Variants in ANKH observed in about 807,000 individuals in gnomAD.
The protein encoded by ANKH is ANKH inorganic pyrophosphate transport regulator, also known as mineralization regulator ANKH.
Under a neutral mutation model 49.0 loss-of-function variants are expected in ANKH, and 15 were observed. The ratio of observed to expected loss-of-function variants is 0.31; its 90% confidence interval spans 0.20 to 0.47. The LOEUF is 0.47. Ranked by LOEUF, ANKH falls within the 20% of genes least tolerant of loss-of-function variation. The probability of loss-of-function intolerance (pLI) is 1.00; values close to 1 mark genes in which losing one functional copy is unlikely to be tolerated. For synonymous variants in ANKH, 273 were observed against 260.0 expected, an observed-to-expected ratio of 1.05 and a Z score of -0.48; for missense variants, 429 against 652.0, an observed-to-expected ratio of 0.66 and a Z score of 3.72.
Position 14,755,875 on chromosome 5 carries a change from C to A in ANKH, c.502G>T (p.Asp168Tyr). The A allele has an allele frequency of 6.2e-7, 1 of 1,614,048 alleles. No individual in the cohort carries two copies. The change falls in exon 4 of 12, where the codon GAT becomes TAT. Residue 168 changes from aspartate (D) to tyrosine (Y), a missense_variant. By Grantham distance (160) the Asp-to-Tyr change is radical. Transcript: ENST00000284268. Reference sequence around the variant, plus strand: ...ACCATATTTACCTGAGCTATGACATCTGAGATTGAGGCACATCCCACCAGG... The same window carrying A: ...ACCATATTTACCTGAGCTATGACATATGAGATTGAGGCACATCCCACCAGG... The part of the protein sequence containing the change: ...SFLVGCASIS[D>Y]VIAQVVFVAI...
chr5:14,791,921 T>A (rs1740179626), intron 1 of ANKH, among the ~76,000 whole-genome samples: 1 of 152,206 alleles, frequency 6.6e-6, no homozygotes, highest in African/African-American at 2.4e-5. Flanking sequence ...GCAAGAACCA[T>A]GGACCACACA....
intron 1 of ANKH, among the ~76,000 whole-genome samples, chr5:14,794,190 C>T (rs2126550028): frequency 6.6e-6 from 1 of 152,356 alleles, no homozygotes; most frequent in African/African-American, 2.4e-5. Context: ...GAAAGCCAGC[C>T]TATTCTAGAG....
chr5:14,843,464 C>T lies in ANKH; in HGVS notation c.96+27888G>A, dbSNP rs924080620. Among the ~76,000 whole-genome samples, 4 of 150,962 alleles carry T rather than the reference C, an allele frequency of 2.6e-5. No individual in the cohort carries two copies. In the South Asian group the frequency reaches 6.3e-4, roughly 24 times the overall value. ...GCGCTGGGATTACAGGTGTGAGCCACCACGCCTGGCCAGCTCTCATTTTTT... is the reference window on the plus strand; with the variant it reads ...GCGCTGGGATTACAGGTGTGAGCCATCACGCCTGGCCAGCTCTCATTTTTT... On this transcript the variant is annotated intron_variant, in intron 1 of 11. Coordinates refer to ENST00000284268, the MANE Select transcript of ANKH (RefSeq NM_054027.6).
chr5:14,786,328 C>T (rs1392593920), intron 1 of ANKH, among the ~76,000 whole-genome samples: 2 of 152,170 alleles, frequency 1.3e-5, no homozygotes, highest in Non-Finnish European at 2.9e-5. Context: ...GATGAGAAGA[C>T]ATAATGTCAT....
chr5:14,723,301 G>A (rs1171043099), intron 8 of ANKH, among the ~76,000 whole-genome samples: 2 of 151,702 alleles, frequency 1.3e-5, no homozygotes, highest in Non-Finnish European at 2.9e-5. Context: ...AGGAGTCTAT[G>A]GGAACTCTGC....
chr5:14,714,634 C>T (rs570142512), intron 9 of ANKH, among the ~76,000 whole-genome samples: 71 of 152,246 alleles, frequency 4.7e-4, no homozygotes, highest in African/African-American at 1.4e-3. Context: ...TTAATACTAA[C>T]GAGGCTAATT....
intron 1 of ANKH, among the ~76,000 whole-genome samples, chr5:14,860,258 G>A (rs145373703): frequency 2.0e-5 from 3 of 152,356 alleles, no homozygotes; most frequent in African/African-American, 7.2e-5. Context: ...ACCTGCAGAG[G>A]AGGAGGGTGT....
At chr5:14,849,287 A>AT (rs1742059392) in intron 1 of ANKH, among the ~76,000 whole-genome samples, 3 of 152,256 alleles carry the variant, frequency 2.0e-5, no homozygotes, top group South Asian at 2.1e-4. Context: ...AAAGCAGCCT[A>AT]TTTTTTGACC....
At chr5:14,721,949 A>T (rs924159722) in intron 8 of ANKH, among the ~76,000 whole-genome samples, 14 of 151,280 alleles carry the variant, frequency 9.3e-5, no homozygotes, top group African/African-American at 3.4e-4. Context: ...AAAAAAAAAA[A>T]AAAAAGTGGG....
chr5:14,758,577 T>C lies in ANKH; in HGVS notation c.335A>G (p.Tyr112Cys). ...CACATGGTGCAGTTTATTGATAATG[T>C]AGTATCCTAAATCACTATAAGCTGC... ...TLIAYSDLGY[Y>C]IINKLHHVDE... The change falls in exon 3 of 12, where the codon TAC (tyrosine) becomes TGC (cysteine). Residue 112 changes from tyrosine (Y) to cysteine (C), a missense_variant. Tyr to Cys is a radical substitution (Grantham distance 194). This residue lies in a region of ANKH where 378 missense variants were observed against 615.3 expected (regional missense o/e 0.61). Coordinates refer to ENST00000284268, the MANE Select transcript of ANKH (RefSeq NM_054027.6). 6.2e-7 allele frequency: 1 copy of C among 1,613,322 alleles called. No individual in the cohort carries two copies. The highest frequency in any genetic ancestry group is 8.5e-7 in the Non-Finnish European group (1 of 1,179,222).
intron 1 of ANKH, among the ~76,000 whole-genome samples, chr5:14,783,559 A>G (rs1462544914): frequency 6.6e-6 from 1 of 152,188 alleles, no homozygotes; most frequent in African/African-American, 2.4e-5. Flanking sequence ...TTAGAACACA[A>G]TACAAGAAAG....
chr5:14,822,234 C>T (rs1741216478), intron 1 of ANKH, among the ~76,000 whole-genome samples: 1 of 152,066 alleles, frequency 6.6e-6, no homozygotes, highest in South Asian at 2.1e-4. Context: ...AGGAATATCT[C>T]AATAATAATT....
chr5:14,818,063 CA>C (rs34516771), intron 1 of ANKH, among the ~76,000 whole-genome samples: 12,625 of 72,246 alleles, frequency 0.17, 617 homozygotes, highest in East Asian at 0.42. Flanking sequence ...GACTTTGTCT[CA>C]AAAAAAAAAA....
rs747456385 is a variant in ANKH, at chr5:14,711,115, A to G, written c.*82T>C. ...AAAACAAAACAAAAAAAAGGGAACA[A>G]AATACGATGGGAGAGGGAAGAGATG... On this transcript the variant is annotated 3_prime_UTR_variant, in exon 12 of 12. Transcript: ENST00000284268. The G allele has an allele frequency of 8.1e-7, 1 of 1,241,140 alleles. No individual in the cohort carries two copies. The highest frequency in any genetic ancestry group is 1.2e-6 in the Non-Finnish European group (1 of 841,950). 76.9% of individuals were successfully genotyped at this position (1,241,140 alleles called of 1,614,324 possible).
At chr5:14,767,840 C>T (rs1739304487) in intron 2 of ANKH, among the ~76,000 whole-genome samples, 2 of 152,014 alleles carry the variant, frequency 1.3e-5, no homozygotes, top group South Asian at 4.1e-4. Flanking sequence ...TCAAATGTAG[C>T]AGAAATTTAC....
intron 2 of ANKH, among the ~76,000 whole-genome samples, chr5:14,767,418 T>C (rs1386604341): frequency 6.6e-6 from 1 of 152,248 alleles, no homozygotes; most frequent in Non-Finnish European, 1.5e-5. Flanking sequence ...GGAAAAATGC[T>C]GTGATTGCAA....
At chr5:14,788,359 T>G (rs939926310) in intron 1 of ANKH, 1 of 152,242 alleles carries the variant, frequency 6.6e-6, no homozygotes, top group Non-Finnish European at 1.5e-5. Flanking sequence ...AAAGAACTAC[T>G]TCATATATGC....
chr5:14,764,461 C>T (rs1256507473), intron 2 of ANKH, among the ~76,000 whole-genome samples: 2 of 152,198 alleles, frequency 1.3e-5, no homozygotes, highest in East Asian at 1.9e-4. Flanking sequence ...GCCAGATGTT[C>T]GCCAACAAGG....
intron 7 of ANKH, among the ~76,000 whole-genome samples, chr5:14,742,588 G>A (rs911027202): frequency 8.5e-5 from 13 of 152,260 alleles, no homozygotes; most frequent in South Asian, 2.1e-4. Context: ...CCTCCAAGCT[G>A]GGCCCCACCT....
Sources: gnomAD v4.1 joint callset for allele counts (sites outside exome capture counted in the v4.1 genomes callset) on GRCh38, gnomAD v4.1.1 for gene constraint, gnomAD v4.1.1 regional missense constraint, MANE v1.5 for transcripts, NCBI Gene and HGNC (gene_info 2026-07-23, HGNC 2026-07-21) for gene names.